ANO3: variants seen among roughly 807,000 people sequenced by gnomAD.
ANO3 encodes the protein anoctamin-3.
Under a neutral mutation model 144.8 loss-of-function variants are expected in ANO3, and 99 were observed. That is an observed-to-expected ratio of 0.68 (90% CI 0.58 to 0.81). The LOEUF (loss-of-function observed/expected upper bound fraction) is 0.81. Ranked by LOEUF, ANO3 falls within the 30% of genes least tolerant of loss-of-function variation. ANO3 has a pLI of 0.00. For synonymous variants in ANO3, 414 were observed against 392.6 expected, an observed-to-expected ratio of 1.05 and a Z score of -0.64; for missense variants, 905 against 1,202.2, an observed-to-expected ratio of 0.75 and a Z score of 3.66.
At chr11:26,358,360 C>T (rs188686835) in intron 1 of ANO3, among the ~76,000 whole-genome samples, 3 of 151,876 alleles carry the variant, frequency 2.0e-5, no homozygotes, top group Admixed American at 6.6e-5. Flanking sequence ...TTAGTAGAGA[C>T]GGGGTTTCAC....
chr11:26,197,891 T>C (rs540566837), intron 1 of ANO3, among the ~76,000 whole-genome samples: 3 of 152,334 alleles, frequency 2.0e-5, no homozygotes, highest in South Asian at 2.1e-4. Flanking sequence ...TTTTCCCTAA[T>C]GAACATAACA....
intron 1 of ANO3, among the ~76,000 whole-genome samples, chr11:26,335,639 G>C (rs892941159): frequency 1.3e-5 from 2 of 152,082 alleles, no homozygotes; most frequent in Admixed American, 1.3e-4. Context: ...TTTATTTACT[G>C]TCCACTCTTA....
chr11:26,389,761 A>G (rs182769036), intron 1 of ANO3, among the ~76,000 whole-genome samples: 64 of 152,242 alleles, frequency 4.2e-4, no homozygotes, highest in African/African-American at 1.5e-3. Context: ...GCAGTTTTTG[A>G]AAAGGTATTA....
chr11:26,259,138 T>C (rs1396179963), intron 1 of ANO3, among the ~76,000 whole-genome samples: 1 of 152,186 alleles, frequency 6.6e-6, no homozygotes, highest in Non-Finnish European at 1.5e-5. Flanking sequence ...ATAAAATCTG[T>C]GCAAAATCCA....
At chr11:26,388,849 C>T (rs11029543) in intron 1 of ANO3, among the ~76,000 whole-genome samples, 40,414 of 151,946 alleles carry the variant, frequency 0.27, 6,034 homozygotes, top group African/African-American at 0.41. Context: ...TATACACACA[C>T]GCACATACAC....
chr11:26,592,458 G>T (rs1364112288), intron 14 of ANO3, among the ~76,000 whole-genome samples: 1 of 151,728 alleles, frequency 6.6e-6, no homozygotes, highest in Non-Finnish European at 1.5e-5. Flanking sequence ...ATTATTTCAT[G>T]AATTAGTGCC....
At position 26,281,381 on chromosome 11, in the gene ANO3, G is replaced by A. The variant is rs1215907993; in HGVS notation, c.155-28264G>A. 2.6e-5 allele frequency among the ~76,000 whole-genome samples: 4 copies of A among 152,100 alleles called. No homozygotes were observed. The East Asian group carries it at 7.7e-4, about 29-fold the overall frequency. On this transcript the variant is annotated intron_variant, in intron 1 of 27. Coordinates refer to the ANO3 transcript ENST00000672621. ...TTCCAAACCACTCTGAACTCCTCAT[G>A]AGCATAGAAAAATTATGACTAAAAT...
chr11:26,623,674 A>G (rs1590644777), intron 17 of ANO3, among the ~76,000 whole-genome samples: 1 of 152,140 alleles, frequency 6.6e-6, no homozygotes, highest in African/African-American at 2.4e-5. Flanking sequence ...GTCTTTTATC[A>G]TAGTTTAGAA....
At chr11:26,496,870 T>C (rs1194965179) in intron 4 of ANO3, among the ~76,000 whole-genome samples, 1 of 151,762 alleles carries the variant, frequency 6.6e-6, no homozygotes, top group Non-Finnish European at 1.5e-5. Flanking sequence ...CCTTTTTTTC[T>C]GGCTGAGTAG....
intron 1 of ANO3, among the ~76,000 whole-genome samples, chr11:26,248,387 AT>A (rs1852848525): frequency 6.6e-6 from 1 of 152,044 alleles, no homozygotes; most frequent in East Asian, 1.9e-4. Context: ...AGGGTTTAAA[AT>A]TTTATTTCTT....
intron 1 of ANO3, among the ~76,000 whole-genome samples, chr11:26,211,188 T>C (rs1490218730): frequency 6.6e-6 from 1 of 151,968 alleles, no homozygotes; most frequent in Non-Finnish European, 1.5e-5. Context: ...AAAATAGAAC[T>C]CAGGATGAAG....
chr11:26,302,736 T>C (rs1202186931), intron 1 of ANO3, among the ~76,000 whole-genome samples: 1 of 152,202 alleles, frequency 6.6e-6, no homozygotes, highest in Non-Finnish European at 1.5e-5. Context: ...ACTTTTAATA[T>C]TCTGTAATAT....
chr11:26,387,178 T>C (rs1856758490), intron 1 of ANO3, among the ~76,000 whole-genome samples: 1 of 150,316 alleles, frequency 6.7e-6, no homozygotes, highest in Admixed American at 6.7e-5. Context: ...TTCACCATGT[T>C]GGCCAGGCTG....
intron 18 of ANO3, among the ~76,000 whole-genome samples, chr11:26,633,981 G>A (rs1004081773): frequency 2.0e-5 from 3 of 150,692 alleles, no homozygotes; most frequent in African/African-American, 7.3e-5. Flanking sequence ...GGGAGGCTGA[G>A]CCAGAAGAAT....
At chr11:26,543,706 G>T (rs1849704344) in intron 11 of ANO3, among the ~76,000 whole-genome samples, 1 of 152,086 alleles carries the variant, frequency 6.6e-6, no homozygotes, top group Non-Finnish European at 1.5e-5. Flanking sequence ...AGAACATGTG[G>T]TGTTTGGTTT....
chr11:26,572,250 CA>C, intron 14 of ANO3: 3 of 985,332 alleles, frequency 3.0e-6, no homozygotes, highest in Non-Finnish European at 3.6e-6. Flanking sequence ...ACCTGCTTCT[CA>C]GCTGTAAGCA....
At chr11:26,397,989 C>T (rs902703611) in intron 1 of ANO3, among the ~76,000 whole-genome samples, 2 of 150,668 alleles carry the variant, frequency 1.3e-5, no homozygotes, top group Non-Finnish European at 3.0e-5. Flanking sequence ...TTCAGCTTTT[C>T]TCAATCACTA....
chr11:26,228,636 C>T (rs1314464599), intron 1 of ANO3, among the ~76,000 whole-genome samples: 3 of 152,178 alleles, frequency 2.0e-5, no homozygotes, highest in Admixed American at 2.0e-4. Flanking sequence ...CCAAAGTTAG[C>T]ACCACAGAAA....
chr11:26,602,118 C>T (rs1851814355), intron 17 of ANO3, among the ~76,000 whole-genome samples: 2 of 152,036 alleles, frequency 1.3e-5, no homozygotes, highest in Non-Finnish European at 2.9e-5. Context: ...TCTGATCAGC[C>T]AAGAAAGAGC....
Sources: gnomAD v4.1 joint callset for allele counts (sites outside exome capture counted in the v4.1 genomes callset) on GRCh38, gnomAD v4.1.1 for gene constraint, MANE v1.5 for transcripts, NCBI Gene and HGNC (gene_info 2026-07-23, HGNC 2026-07-21) for gene names.